The following ZNF644 variants were observed in gnomAD, a reference collection of about 807,000 sequenced individuals.
ZNF644 encodes zinc finger motif enhancer binding protein 2.
Under a neutral mutation model 108.0 loss-of-function variants are expected in ZNF644, and 20 were observed. The ratio of observed to expected loss-of-function variants is 0.19; its 90% CI spans 0.13 to 0.27. ZNF644 has a LOEUF of 0.27. Among genes scored for constraint, ZNF644 ranks in the 10% least tolerant of loss-of-function variants. ZNF644 has a pLI of 1.00. For synonymous variants in ZNF644, 542 were observed against 539.1 expected (o/e 1.01, Z -0.08); for missense variants, 1,338 against 1,548.9 (o/e 0.86, Z 2.29).
chr1:90,973,313 A>G (rs1359976320), intron 2 of ZNF644: 2 of 152,054 alleles, frequency 1.3e-5, no homozygotes, highest in Non-Finnish European at 2.9e-5. Flanking sequence ...CCTGTGTAGT[A>G]TTTCTTATGT....
At chr1:90,984,594 T>C (rs1656900543) in intron 1 of ZNF644, among the ~76,000 whole-genome samples, 1 of 152,194 alleles carries the variant, frequency 6.6e-6, no homozygotes, top group African/African-American at 2.4e-5. Context: ...GGTTTCACCA[T>C]ATTGGCTAGG....
chr1:90,998,828 A>G (rs1224816078), intron 1 of ZNF644, among the ~76,000 whole-genome samples: 1 of 152,238 alleles, frequency 6.6e-6, no homozygotes, highest in East Asian at 1.9e-4. Context: ...GGCTAACAGA[A>G]TAACCAGTGT....
At chr1:90,983,606 C>A (rs1438680816) in intron 1 of ZNF644, among the ~76,000 whole-genome samples, 1 of 151,400 alleles carries the variant, frequency 6.6e-6, no homozygotes, top group African/African-American at 2.4e-5. Context: ...CTTATAAGAA[C>A]GAGACACACA....
intron 2 of ZNF644, chr1:90,972,655 AT>A (rs146788074): frequency 2.8e-3 from 434 of 152,358 alleles, no homozygotes; most frequent in African/African-American, 9.9e-3. Flanking sequence ...TTGAAGAGAT[AT>A]TTGTACACCC....
At chr1:90,988,811 G>A (rs188235379) in intron 1 of ZNF644, among the ~76,000 whole-genome samples, 1 of 152,222 alleles carries the variant, frequency 6.6e-6, no homozygotes, top group East Asian at 1.9e-4. Context: ...TCAACAAATG[G>A]TACTGGGAAA....
rs997752647 is a variant in ZNF644 at position 90,928,097 on chromosome 1, C to A, written c.3688+9388G>T. On this transcript the variant is annotated intron_variant, in intron 4 of 5. Coordinates refer to ENST00000337393, the MANE Select transcript of ZNF644 (RefSeq NM_201269.3). ...CTGACCTCAGGTGATCCGCCTGCCT[C>A]GGCCTCCCAAAGTGCTTGGGATTAC... Among the ~76,000 whole-genome samples, 4 of 151,946 alleles carry A rather than the reference C, an allele frequency of 2.6e-5. No homozygotes were observed. In the East Asian group the frequency reaches 7.8e-4, roughly 29 times the overall value.
chr1:90,936,992 C>CACCA (rs1393093634), intron 4 of ZNF644, among the ~76,000 whole-genome samples: 1 of 152,164 alleles, frequency 6.6e-6, no homozygotes, highest in South Asian at 2.1e-4. Context: ...TCACAACAGA[C>CACCA]ACCAATCCAT....
At position 90,940,634 on chromosome 1, in the gene ZNF644, T is replaced by C. The variant is rs1194631627; in HGVS notation, c.720A>G (p.Thr240=). Reference sequence around the variant, plus strand: ...CTGTACCTGAGGAAATTCCCGTTACTGTATTGACACAATCATCTTTCACCA... The same window carrying C: ...CTGTACCTGAGGAAATTCCCGTTACCGTATTGACACAATCATCTTTCACCA... ...DLLVKDDCVN[T]VTGISSGTDG... Residue 240 remains threonine, a synonymous_variant, in exon 3 of 6, where the codon ACA becomes ACG. Coordinates refer to ENST00000337393, the MANE Select transcript of ZNF644 (RefSeq NM_201269.3). The C allele has an allele frequency of 1.1e-5, 17 of 1,613,980 alleles. No individual in the cohort carries two copies. Among genetic ancestry groups the C allele is most frequent in the Non-Finnish European group, 3.4e-6 (4 of 1,179,986 alleles).
At chr1:90,920,198 G>A (rs1249959356) in intron 4 of ZNF644, among the ~76,000 whole-genome samples, 1 of 151,914 alleles carries the variant, frequency 6.6e-6, no homozygotes, top group Admixed American at 6.6e-5. Context: ...GAATAGAGCA[G>A]GCATTTGGTG....
Position 90,940,301 on chromosome 1 carries a change from A to C in ZNF644, c.1053T>G (p.Asp351Glu). 1 of 1,614,044 alleles carries C rather than the reference A, an allele frequency of 6.2e-7. No individual in the cohort carries two copies. The highest frequency in any genetic ancestry group is 8.5e-7 in the Non-Finnish European group (1 of 1,179,970). Residue 351 changes from aspartate (D) to glutamate (E), a missense_variant, in exon 3 of 6, where the codon GAT becomes GAG. By Grantham distance (45) the Asp-to-Glu change is conservative (BLOSUM62 2). Coordinates refer to ENST00000337393, the MANE Select transcript of ZNF644 (RefSeq NM_201269.3). ...AGGCATCCACAGATTCTAAGTCTTC[A>C]TCAGTTGATTCAGGCTTCACTTTTG... ...ALSKVKPEST[D>E]EDLESVDAFQ...
At chr1:90,928,474 C>T (rs1013317119) in intron 4 of ZNF644, among the ~76,000 whole-genome samples, 24 of 152,050 alleles carry the variant, frequency 1.6e-4, no homozygotes, top group African/African-American at 5.3e-4. Context: ...CATACCACCA[C>T]GCCTGGCTAG....
intron 1 of ZNF644, among the ~76,000 whole-genome samples, chr1:91,012,548 G>A (rs1320772258): frequency 2.0e-5 from 3 of 152,112 alleles, no homozygotes; most frequent in African/African-American, 7.2e-5. Flanking sequence ...GAGGTTAGAG[G>A]TTAAAATAGT....
intron 1 of ZNF644, among the ~76,000 whole-genome samples, chr1:91,019,906 A>C (rs1403050078): frequency 6.6e-6 from 1 of 152,210 alleles, no homozygotes; most frequent in African/African-American, 2.4e-5. Context: ...AGTTCTCATG[A>C]ACCTAACAAT....
At chr1:91,015,652 T>C (rs1660369773) in intron 1 of ZNF644, among the ~76,000 whole-genome samples, 1 of 152,204 alleles carries the variant, frequency 6.6e-6, no homozygotes. Context: ...TGGGAATGCA[T>C]TCCTGAAATA....
intron 1 of ZNF644, among the ~76,000 whole-genome samples, chr1:91,005,040 A>G (rs373740757): frequency 5.3e-5 from 8 of 152,168 alleles, no homozygotes; most frequent in African/African-American, 1.9e-4. Flanking sequence ...CAAAAAGCAC[A>G]TAGGCAGAAG....
At position 90,915,362 on chromosome 1, in the gene ZNF644, A is replaced by G. The variant is rs549645395; in HGVS notation, c.*1436T>C. ...TCTGGTAAGGAGATATACCATAGGA[A>G]AGCAATTTCACTGGCAGTGAGGTAT... On this transcript the variant is annotated 3_prime_UTR_variant, in exon 6 of 6. Coordinates refer to ENST00000337393, the MANE Select transcript of ZNF644 (RefSeq NM_201269.3). 1.3e-5 allele frequency: 2 copies of G among 152,598 alleles called. No individual in the cohort carries two copies. The highest frequency in any genetic ancestry group is 6.5e-5 in the Admixed American group (1 of 15,278). The allele number at this position is 152,598 out of a possible 1,614,324, so 9.5% of individuals were successfully genotyped here.
chr1:90,928,191 C>T (rs1002028904), intron 4 of ZNF644, among the ~76,000 whole-genome samples: 3 of 148,318 alleles, frequency 2.0e-5, no homozygotes, highest in Admixed American at 1.3e-4. Flanking sequence ...CTCACTCTGT[C>T]GCCCAGGCTG....
chr1:90,945,834 T>C (rs569544767), intron 2 of ZNF644, among the ~76,000 whole-genome samples: 4 of 152,238 alleles, frequency 2.6e-5, no homozygotes, highest in African/African-American at 9.6e-5. Flanking sequence ...ATTTTGTGGG[T>C]ACTTAACTAC....
chr1:90,941,805 C>G (rs1652025548), intron 2 of ZNF644, among the ~76,000 whole-genome samples: 1 of 152,120 alleles, frequency 6.6e-6, no homozygotes, highest in South Asian at 2.1e-4. Flanking sequence ...CTTATAAGTT[C>G]ATTCCTGAAG....
Sources: allele counts gnomAD v4.1 joint callset (sites outside exome capture counted in the v4.1 genomes callset), GRCh38; gene constraint gnomAD v4.1.1; transcripts MANE v1.5; gene names NCBI Gene and HGNC (gene_info 2026-07-23, HGNC 2026-07-21).